ABCC8: variants seen among roughly 807,000 people sequenced by gnomAD.
ABCC8 encodes ATP-binding cassette sub-family C member 8.
In ABCC8, 137 loss-of-function variants were observed where a neutral mutation model predicts 188.0. The observed-to-expected ratio is 0.73, with a 90% confidence interval of 0.63 to 0.84. The LOEUF (loss-of-function observed/expected upper bound fraction) is 0.84, where lower values mean the gene tolerates loss of function less well. Among genes scored for constraint, ABCC8 ranks in the 40% least tolerant of loss-of-function variants. The pLI is 0.00. For synonymous variants in ABCC8, 797 were observed against 846.5 expected (o/e 0.94, Z 1.01); for missense variants, 1,750 against 2,072.7 (o/e 0.84, Z 3.02).
intron 29 of ABCC8, among the ~76,000 whole-genome samples, chr11:17,398,814 C>T (rs1460376896): frequency 6.6e-6 from 1 of 152,186 alleles, no homozygotes; most frequent in Admixed American, 6.5e-5. Flanking sequence ...CTCCCTCCCC[C>T]TCTATCCTGC....
chr11:17,395,705 AATG>A lies in ABCC8; in HGVS notation c.4209_4211del (p.Ile1404del). ...GCAGTTTGGCGATGTCAATGCCATCAATGATGATGTGCCCTGCATGGGTCCCAG... is the reference window on the plus strand; with the variant it reads ...GCAGTTTGGCGATGTCAATGCCATCAATGATGTGCCCTGCATGGGTCCCAG... On this transcript the variant is annotated inframe_deletion, in exon 35 of 39. Transcript: ENST00000389817. 1.3e-6 allele frequency: 2 copies of A among 1,555,482 alleles called. No individual in the cohort carries two copies. The highest frequency in any genetic ancestry group is 8.7e-7 in the Non-Finnish European group (1 of 1,149,034).
intron 6 of ABCC8, among the ~76,000 whole-genome samples, chr11:17,458,695 T>C (rs976343354): frequency 2.0e-5 from 3 of 152,212 alleles, no homozygotes; most frequent in African/African-American, 4.8e-5. Flanking sequence ...AAGCCAGATA[T>C]GGCTTCAAAA....
At chr11:17,467,571 A>G (rs1848242412) in intron 3 of ABCC8, among the ~76,000 whole-genome samples, 1 of 152,200 alleles carries the variant, frequency 6.6e-6, no homozygotes, top group African/African-American at 2.4e-5. Flanking sequence ...TTCAGTTCTC[A>G]GCTCAAATAT....
chr11:17,413,769 G>A (rs1331837881), intron 19 of ABCC8, among the ~76,000 whole-genome samples: 1 of 152,220 alleles, frequency 6.6e-6, no homozygotes, highest in African/African-American at 2.4e-5. Flanking sequence ...GGGAAAAGCT[G>A]CAGCCGGAAC....
chr11:17,418,005 C>A (rs2133492806), intron 16 of ABCC8, among the ~76,000 whole-genome samples: 1 of 152,220 alleles, frequency 6.6e-6, no homozygotes, highest in East Asian at 1.9e-4. Context: ...GATCCTCCAG[C>A]TTTGGCCTCC....
Position 17,427,885 on chromosome 11 carries a change from T to C in ABCC8, c.2098A>G (p.Thr700Ala). ...GCCATACCTCGGGGGATACGAATGGTGATGTTGGACAGTGTGGGGATTCCA... is the reference window on the plus strand; with the variant it reads ...GCCATACCTCGGGGGATACGAATGGCGATGTTGGACAGTGTGGGGATTCCA... ...PDGIPTLSNITIRIPRGQLTM... is the reference protein window; with the variant it reads ...PDGIPTLSNIAIRIPRGQLTM... The change falls in exon 15 of 39, where the codon ACC (threonine) becomes GCC (alanine). Residue 700 changes from threonine (T) to alanine (A), a missense_variant. Thr to Ala is a moderately conservative substitution (Grantham distance 58). Transcript: ENST00000389817. The surrounding 1 kb of genome is among the most constrained non-coding windows in gnomAD (Gnocchi z 5.0). 1 of 1,613,818 alleles carries C rather than the reference T, an allele frequency of 6.2e-7. No homozygotes were observed. The highest frequency in any genetic ancestry group is 8.5e-7 in the Non-Finnish European group (1 of 1,179,922).
chr11:17,440,179 C>G (rs1246897962), intron 10 of ABCC8, among the ~76,000 whole-genome samples: 2 of 152,130 alleles, frequency 1.3e-5, no homozygotes, highest in African/African-American at 2.4e-5. Context: ...GTTTCCCTTC[C>G]CTCTCTCTAT....
rs1957196622 is a variant in ABCC8, at chr11:17,461,679, CT to C, written c.725del (p.Lys242ArgfsTer16). ...WMNAFIKTAH[K>X]KPIDLRAIGK... Reference sequence around the variant, plus strand: ...CGATGGCTCGCAAGTCGATGGGCTTCTTGTGGGCAGTCTTGATGAAGGCGTT... The same window carrying C: ...CGATGGCTCGCAAGTCGATGGGCTTCTGTGGGCAGTCTTGATGAAGGCGTT... On this transcript the variant is annotated frameshift_variant, in exon 5 of 39. Transcript: ENST00000389817. LOFTEE classifies it high-confidence loss of function. 1.9e-6 allele frequency: 3 copies of C among 1,614,230 alleles called. No individual in the cohort carries two copies. Among genetic ancestry groups the C allele is most frequent in the Non-Finnish European group, 2.5e-6 (3 of 1,180,036 alleles).
At chr11:17,461,117 C>T (rs1206406510) in intron 5 of ABCC8, 2 of 335,642 alleles carry the variant, frequency 6.0e-6, no homozygotes, top group Non-Finnish European at 1.1e-5. Flanking sequence ...GGGCAGGTCA[C>T]AGCCTTTCTC....
In ABCC8 at chr11:17,398,237, G is replaced by A. The variant is rs1200434588; in HGVS notation, c.3753+102C>T. 11 of 1,459,970 alleles carry A rather than the reference G, an allele frequency of 7.5e-6. No individual in the cohort carries two copies. In the East Asian group the frequency reaches 1.6e-4, roughly 22 times the overall value. 90.4% of individuals were successfully genotyped at this position (1,459,970 alleles called of 1,614,324 possible). ...AAGCAGGAAGGCTTGGTGTCCACAC[G>A]ATCTGGTATCCTATCCTCTCTTTCA... On this transcript the variant is annotated intron_variant, in intron 30 of 38. Coordinates refer to ENST00000389817, the MANE Select transcript of ABCC8 (RefSeq NM_000352.6).
At chr11:17,415,012 T>C (rs995789561) in intron 18 of ABCC8, among the ~76,000 whole-genome samples, 20 of 152,106 alleles carry the variant, frequency 1.3e-4, no homozygotes, top group Non-Finnish European at 2.5e-4. Flanking sequence ...AACTTTTTTT[T>C]TTTTTTTTAA....
At chr11:17,438,784 C>G (rs1956203547) in intron 10 of ABCC8, among the ~76,000 whole-genome samples, 1 of 152,208 alleles carries the variant, frequency 6.6e-6, no homozygotes, top group African/African-American at 2.4e-5. Flanking sequence ...GGGTGAACTC[C>G]CAGCCCACAT....
At chr11:17,395,822 T>C (rs1036022355) in intron 34 of ABCC8, 30 bp downstream of exon 34, 1 of 1,559,906 alleles carries the variant, frequency 6.4e-7, no homozygotes, top group Non-Finnish European at 8.7e-7. Context: ...TGGCTGTGGG[T>C]ACACGTGGGG....
chr11:17,406,952 A>T lies in ABCC8; in HGVS notation c.3098T>A (p.Leu1033Gln). The T allele has an allele frequency of 1.2e-6, 2 of 1,614,188 alleles. No individual in the cohort carries two copies. The highest frequency in any genetic ancestry group is 1.7e-6 in the Non-Finnish European group (2 of 1,180,050). ...HMVLVAIDYWLAKWTDSALTL... is the reference protein window; with the variant it reads ...HMVLVAIDYWQAKWTDSALTL... ...CAGGGCGCTGTCGGTCCACTTGGCC[A>T]GCCAGTAGTCGATGGCCACCAGGAC... is the stretch of plus-strand genomic sequence containing the variant. The change falls in exon 25 of 39, where the codon CTG becomes CAG. Residue 1033 changes from leucine to glutamine, a missense_variant. Leu to Gln is a moderately radical substitution (Grantham distance 113). Transcript: ENST00000389817.
Position 17,463,511 on chromosome 11 carries a change from A to T in ABCC8, c.506T>A (p.Phe169Tyr), listed in dbSNP as rs763642786. ...DHAIGFSQLR[F>Y]CLTGLLVILY... ...GATCACCAGCAGCCCTGTGAGGCAG[A>T]AGCGTAGCTGCGAGAAGCCGATGGC... Residue 169 changes from phenylalanine to tyrosine, a missense_variant, in exon 4 of 39, where the codon TTC becomes TAC. Physicochemically the swap from Phe to Tyr is conservative, Grantham distance 22. Coordinates refer to ENST00000389817, the MANE Select transcript of ABCC8 (RefSeq NM_000352.6). The T allele has an allele frequency of 6.2e-7, 1 of 1,602,106 alleles. No individual in the cohort carries two copies. The highest frequency in any genetic ancestry group is 1.1e-5 in the South Asian group (1 of 88,460).
intron 3 of ABCC8, among the ~76,000 whole-genome samples, chr11:17,464,937 T>C (rs1848058273): frequency 6.6e-6 from 1 of 152,236 alleles, no homozygotes; most frequent in Non-Finnish European, 1.5e-5. Context: ...GGCCTGGGCA[T>C]GGATGCCAGA....
At chr11:17,469,099 T>C (rs1848338804) in intron 3 of ABCC8, among the ~76,000 whole-genome samples, 1 of 115,314 alleles carries the variant, frequency 8.7e-6, no homozygotes, top group South Asian at 3.1e-4. Context: ...CCTTCCTTCC[T>C]TCCTTCCTTC....
intron 24 of ABCC8, 62 bp downstream of exon 24, chr11:17,407,292 A>G: frequency 1.9e-6 from 3 of 1,613,428 alleles, no homozygotes; most frequent in Non-Finnish European, 2.5e-6. Context: ...CCCAAACCTT[A>G]GCCTCTCTGT....
In ABCC8 at chr11:17,397,056, GGGCTGGGCTCAGCCACCA is replaced by G; in HGVS notation, c.3989-28_3989-11del. On this transcript the variant is annotated splice_polypyrimidine_tract_variant and intron_variant, in intron 32 of 38. Transcript: ENST00000389817. ...GGGATCAGCGATGGTGCTGGGGGCC[GGGCTGGGCTCAGCCACCA>G]GGCATGGGCCACAGCTAGTATCCGA... 1.9e-6 allele frequency: 3 copies of G among 1,614,128 alleles called. No individual in the cohort carries two copies. Among genetic ancestry groups the G allele is most frequent in the Non-Finnish European group, 2.5e-6 (3 of 1,180,004 alleles).
Sources: allele counts gnomAD v4.1 joint callset (sites outside exome capture counted in the v4.1 genomes callset), GRCh38; gene constraint gnomAD v4.1.1; non-coding constraint Gnocchi (gnomAD v3.1); transcripts MANE v1.5; gene names NCBI Gene and HGNC (gene_info 2026-07-23, HGNC 2026-07-21).